Variants in ZRANB3 observed in about 807,000 individuals in gnomAD.
The protein encoded by ZRANB3 is zinc finger RANBP2-type containing 3, also known as DNA annealing helicase and endonuclease ZRANB3.
Under a neutral mutation model 133.8 loss-of-function variants are expected in ZRANB3, and 125 were observed. That is an observed-to-expected ratio of 0.93 (90% CI 0.81 to 1.08). The LOEUF is 1.08. Ranked by LOEUF, ZRANB3 falls within the 50% of genes least tolerant of loss-of-function variation. ZRANB3 has a pLI of 0.00. For missense variants in ZRANB3, 1,229 were observed against 1,275.5 expected, an observed-to-expected ratio of 0.96 and a Z score of 0.56; for synonymous variants, 387 against 432.7, an observed-to-expected ratio of 0.89 and a Z score of 1.31.
intron 3 of ZRANB3, among the ~76,000 whole-genome samples, chr2:135,362,820 T>C (rs893566476): frequency 6.6e-6 from 1 of 152,146 alleles, no homozygotes; most frequent in African/African-American, 2.4e-5. Flanking sequence ...TAGACATTTC[T>C]AGTGGCAGTT....
intron 17 of ZRANB3, among the ~76,000 whole-genome samples, chr2:135,215,415 G>A (rs970642651): frequency 5.9e-5 from 9 of 151,882 alleles, no homozygotes; most frequent in Non-Finnish European, 1.2e-4. Flanking sequence ...CACCATGCCT[G>A]GCTAATTTAT....
intron 2 of ZRANB3, among the ~76,000 whole-genome samples, chr2:135,430,415 T>C (rs1689267888): frequency 6.6e-6 from 1 of 151,408 alleles, no homozygotes; most frequent in South Asian, 2.1e-4. Context: ...CTTTCTAATA[T>C]ATTATAAAGT....
rs144885263 is a variant in ZRANB3 at position 135,313,924 on chromosome 2, G to A, written c.850-319C>T. Among the ~76,000 whole-genome samples, 1,116 of 152,202 alleles carry A rather than the reference G, an allele frequency of 7.3e-3. 12 individuals are homozygous for A. The highest frequency in any genetic ancestry group is 0.026 in the African/African-American group (1,064 of 41,522). On this transcript the variant is annotated intron_variant, in intron 7 of 20. Coordinates refer to ENST00000264159, the MANE Select transcript of ZRANB3 (RefSeq NM_032143.4). ...TTGTTGCCCAGGCTGGAGTGCAATC[G>A]TGCAATCTCGGCTCACTGCAACCTC...
chr2:135,350,728 G>T (rs1685167273), intron 4 of ZRANB3, among the ~76,000 whole-genome samples: 1 of 152,136 alleles, frequency 6.6e-6, no homozygotes, highest in African/African-American at 2.4e-5. Flanking sequence ...TTCATTTCCT[G>T]GTCCTACCTA....
chr2:135,223,463 T>C (rs1694635329), intron 15 of ZRANB3, among the ~76,000 whole-genome samples: 1 of 151,468 alleles, frequency 6.6e-6, no homozygotes, highest in Admixed American at 6.6e-5. Context: ...GTAGCTACGA[T>C]TAAAGGCACT....
Position 135,362,379 on chromosome 2 carries a change from T to C in ZRANB3, c.181-8751A>G, listed in dbSNP as rs147558071. Among the ~76,000 whole-genome samples, 832 of 152,232 alleles carry C rather than the reference T, an allele frequency of 5.5e-3. 7 individuals are homozygous for C. The highest frequency in any genetic ancestry group is 0.019 in the African/African-American group (799 of 41,538). On this transcript the variant is annotated intron_variant, in intron 3 of 20. Coordinates refer to ENST00000264159, the MANE Select transcript of ZRANB3 (RefSeq NM_032143.4). ...GTGCTATCACTTTCCTGATGGTTGG[T>C]TGGTACTTGTGTGCAGGAGCAGGCT...
chr2:135,229,137 T>G (rs1244397333), intron 13 of ZRANB3, among the ~76,000 whole-genome samples: 6 of 152,180 alleles, frequency 3.9e-5, no homozygotes, highest in Admixed American at 3.3e-4. Flanking sequence ...GGAATAAGCA[T>G]GTGATTCCAA....
At chr2:135,474,430 G>A (rs183747361) in intron 2 of ZRANB3, among the ~76,000 whole-genome samples, 11 of 152,212 alleles carry the variant, frequency 7.2e-5, no homozygotes, top group Middle Eastern at 6.8e-3. Context: ...GGTATCGTGG[G>A]AGGAATCTGG....
chr2:135,468,933 CCTA>C (rs1465401937), intron 2 of ZRANB3, among the ~76,000 whole-genome samples: 1 of 152,118 alleles, frequency 6.6e-6, no homozygotes, highest in Admixed American at 6.6e-5. Flanking sequence ...TCTCCTTCAA[CCTA>C]CTATTTGCAT....
At chr2:135,503,526 C>G (rs1372678826) in intron 2 of ZRANB3, among the ~76,000 whole-genome samples, 1 of 151,950 alleles carries the variant, frequency 6.6e-6, no homozygotes, top group Middle Eastern at 3.2e-3. Context: ...ATATAGAAAA[C>G]CATATAATGG....
rs1693571419 is a variant in ZRANB3, at chr2:135,200,434, C to T, written c.3148G>A (p.Ala1050Thr). The T allele has an allele frequency of 6.3e-7, 1 of 1,599,138 alleles. No individual in the cohort carries two copies. Among genetic ancestry groups the T allele is most frequent in the Non-Finnish European group, 8.5e-7 (1 of 1,171,928 alleles). Residue 1050 changes from alanine to threonine, a missense_variant, in exon 21 of 21, where the codon GCC (alanine) becomes ACC (threonine). Transcript: ENST00000264159. ...LCTVCHKERT[A>T]RQAKERSQVR... ...TGGCTTCTTTCCTTAGCTTGTCTGG[C>T]AGTTCTCTAAAAGTTAAAAAATATG...
chr2:135,445,890 A>G (rs1689999323), intron 2 of ZRANB3, among the ~76,000 whole-genome samples: 1 of 141,658 alleles, frequency 7.1e-6, no homozygotes, highest in Non-Finnish European at 1.5e-5. Context: ...AAAAAAAAAA[A>G]AGAAAAGAAA....
chr2:135,282,559 A>C (rs545718499), intron 8 of ZRANB3, among the ~76,000 whole-genome samples: 6 of 152,214 alleles, frequency 3.9e-5, no homozygotes, highest in Non-Finnish European at 7.3e-5. Context: ...TGAACTATCA[A>C]AAGTATTATT....
intron 12 of ZRANB3, among the ~76,000 whole-genome samples, chr2:135,263,726 T>A (rs1680080421): frequency 6.6e-6 from 1 of 151,730 alleles, no homozygotes; most frequent in Non-Finnish European, 1.5e-5. Context: ...GAAAAAAAGG[T>A]AAAGGATTAT....
intron 13 of ZRANB3, among the ~76,000 whole-genome samples, chr2:135,229,513 G>A (rs1263271856): frequency 2.6e-5 from 4 of 151,370 alleles, no homozygotes; most frequent in African/African-American, 9.7e-5. Flanking sequence ...GACTACAGGC[G>A]CCCGCTACCA....
At chr2:135,408,580 G>A (rs964768844) in intron 2 of ZRANB3, among the ~76,000 whole-genome samples, 5 of 152,264 alleles carry the variant, frequency 3.3e-5, no homozygotes, top group Admixed American at 2.6e-4. Context: ...CAACCCAAAT[G>A]TCCAACAATG....
At chr2:135,361,456 A>T (rs1009428271) in intron 3 of ZRANB3, among the ~76,000 whole-genome samples, 2 of 152,240 alleles carry the variant, frequency 1.3e-5, no homozygotes, top group African/African-American at 2.4e-5. Context: ...AATTATTAAG[A>T]GCAATTAAAT....
intron 20 of ZRANB3, 169 bp downstream of exon 20, chr2:135,202,663 G>C (rs924171510): frequency 1.5e-6 from 1 of 679,142 alleles, no homozygotes. Flanking sequence ...TTGCATCTGT[G>C]ACACGGGCCT....
chr2:135,498,973 TG>T (rs1428181359), intron 2 of ZRANB3, among the ~76,000 whole-genome samples: 6 of 152,212 alleles, frequency 3.9e-5, no homozygotes. Flanking sequence ...CCCATTCCTG[TG>T]ATCTCGCCCT....
Sources: allele counts gnomAD v4.1 joint callset (sites outside exome capture counted in the v4.1 genomes callset), GRCh38; gene constraint gnomAD v4.1.1; transcripts MANE v1.5; gene names NCBI Gene and HGNC (gene_info 2026-07-23, HGNC 2026-07-21).